The following BLTP1 variants were observed in gnomAD, a reference collection of about 807,000 sequenced individuals.
BLTP1 encodes the protein bridge-like lipid transfer protein family member 1.
the BLTP1 span, chr4:122,333,708 A>G: frequency 6.2e-7 from 1 of 1,612,330 alleles, no homozygotes. Flanking sequence ...TTATGCTTCT[A>G]CCACCCATTT....
At chr4:122,357,655 G>GTAGT in the BLTP1 span, among the ~76,000 whole-genome samples, 1 of 151,968 alleles carries the variant, frequency 6.6e-6, no homozygotes, top group Non-Finnish European at 1.5e-5. Flanking sequence ...AAAGAATGAG[G>GTAGT]TAGTTTGAAA....
the BLTP1 span, chr4:122,229,956 G>C: frequency 1.2e-6 from 2 of 1,613,546 alleles, no homozygotes; most frequent in Non-Finnish European, 1.7e-6. Flanking sequence ...GTTGCAAACT[G>C]TAATCTCCAC....
the BLTP1 span, chr4:122,209,318 C>T: frequency 2.0e-5 from 32 of 1,611,794 alleles, 1 homozygote; most frequent in South Asian, 2.0e-4. Context: ...ACCAAAATGG[C>T]GCAACGTTAC....
chr4:122,301,759 T>C, the BLTP1 span, among the ~76,000 whole-genome samples: 1 of 152,204 alleles, frequency 6.6e-6, no homozygotes, highest in East Asian at 1.9e-4. Context: ...CAAGTACTGC[T>C]GTTATAATTT....
the BLTP1 span, among the ~76,000 whole-genome samples, chr4:122,285,901 A>G: frequency 6.6e-6 from 1 of 152,210 alleles, no homozygotes; most frequent in Non-Finnish European, 1.5e-5. Context: ...TAAAGCTGGT[A>G]TATTTATATT....
chr4:122,200,447 G>A, the BLTP1 span: 12 of 531,724 alleles, frequency 2.3e-5, no homozygotes, highest in South Asian at 1.6e-4. Flanking sequence ...GTGTGATGGC[G>A]CGCATGCCTG....
At chr4:122,200,909 T>C in the BLTP1 span, 1 of 1,475,954 alleles carries the variant, frequency 6.8e-7, no homozygotes, top group Non-Finnish European at 9.0e-7. Flanking sequence ...TAGGAAAATG[T>C]TTTAATTACT....
chr4:122,355,840 A>G, the BLTP1 span: 1 of 1,611,268 alleles, frequency 6.2e-7, no homozygotes, highest in Non-Finnish European at 8.5e-7. Context: ...CACTGAGAAT[A>G]GCACTACTGT....
the BLTP1 span, chr4:122,235,141 T>C: frequency 1.0e-6 from 1 of 985,732 alleles, no homozygotes; most frequent in Non-Finnish European, 1.5e-6. Context: ...ATGTTATGAG[T>C]AGGGTTTAGT....
chr4:122,313,154 C>A, the BLTP1 span, among the ~76,000 whole-genome samples: 1 of 151,976 alleles, frequency 6.6e-6, no homozygotes, highest in African/African-American at 2.4e-5. Flanking sequence ...ATAAAATGTT[C>A]CATGTCAAAA....
the BLTP1 span, among the ~76,000 whole-genome samples, chr4:122,319,494 G>C: frequency 6.8e-6 from 1 of 146,844 alleles, no homozygotes; most frequent in Admixed American, 6.8e-5. Flanking sequence ...TTGATTTCTG[G>C]TTAAATTCCA....
chr4:122,338,186 C>T, the BLTP1 span, among the ~76,000 whole-genome samples: 6 of 151,928 alleles, frequency 3.9e-5, no homozygotes, highest in African/African-American at 1.5e-4. Flanking sequence ...CAGTGGCTCA[C>T]ACCTGTAATC....
the BLTP1 span, among the ~76,000 whole-genome samples, chr4:122,332,743 C>G: frequency 2.8e-5 from 4 of 141,766 alleles, no homozygotes; most frequent in Non-Finnish European, 6.1e-5. Flanking sequence ...AACTCGTCAT[C>G]TAGCATTAGG....
the BLTP1 span, chr4:122,327,859 A>G: frequency 3.6e-4 from 50 of 139,876 alleles, no homozygotes; most frequent in Non-Finnish European, 5.4e-4. Flanking sequence ...ATACAGTAAT[A>G]TATGTTTATA....
the BLTP1 span, chr4:122,257,387 C>T: frequency 5.6e-6 from 9 of 1,613,922 alleles, no homozygotes; most frequent in South Asian, 4.4e-5. Context: ...GCCTCTGAAA[C>T]CTCAAATAGC....
the BLTP1 span, among the ~76,000 whole-genome samples, chr4:122,218,018 C>T: frequency 0.029 from 4,357 of 152,080 alleles, 112 homozygotes; most frequent in East Asian, 0.14. Context: ...TTCATAGTAG[C>T]CTTGAATGAT....
At chr4:122,281,915 TTC>T in the BLTP1 span, 1 of 1,290,072 alleles carries the variant, frequency 7.8e-7, no homozygotes, top group Non-Finnish European at 9.8e-7. Context: ...ATTAATGATG[TTC>T]TCTAGTCAAG....
the BLTP1 span, chr4:122,250,530 G>A: frequency 6.2e-7 from 1 of 1,613,714 alleles, no homozygotes; most frequent in East Asian, 2.2e-5. Flanking sequence ...GACCGGACAA[G>A]CCCTTCCTCA....
the BLTP1 span, chr4:122,248,065 T>G: frequency 1.0e-6 from 1 of 985,214 alleles, no homozygotes. Context: ...GTTCTGAAGT[T>G]TCCATGATTC....
Sources: gnomAD v4.1 joint callset for allele counts (sites outside exome capture counted in the v4.1 genomes callset) on GRCh38, gnomAD v4.1.1 for gene constraint, MANE v1.5 for transcripts, NCBI Gene and HGNC (gene_info 2026-07-23, HGNC 2026-07-21) for gene names.